The following IL17RE variants were observed in gnomAD, a reference collection of about 807,000 sequenced individuals.
The protein encoded by IL17RE is interleukin-17 receptor E.
A neutral mutation model predicts 70.7 loss-of-function variants in IL17RE; 47 were observed. The observed-to-expected ratio is 0.67, with a 90% CI of 0.53 to 0.85. The LOEUF is 0.85. IL17RE is among the 40% of genes least tolerant of loss of function. IL17RE has a pLI of 0.00. For synonymous variants in IL17RE, 372 were observed against 381.2 expected (o/e 0.98, Z 0.28); for missense variants, 850 against 893.9 (o/e 0.95, Z 0.63).
At position 9,906,973 on chromosome 3, in the gene IL17RE, C is replaced by T; in HGVS notation, c.539C>T (p.Ser180Phe). Residue 180 changes from serine (S) to phenylalanine (F), a missense_variant, in exon 6 of 16, where the codon TCC (serine) becomes TTC (phenylalanine). Transcript: ENST00000383814. ...DSQRHGGPEF[S>F]FDLLPEARAI... ...TTCCTCTCCCCAGGACCCGAGTTCT[C>T]CTTTGATTTGCTGCCTGAGGCCCGG... 6.2e-7 allele frequency: 1 copy of T among 1,614,170 alleles called. No homozygotes were observed. The highest frequency in any genetic ancestry group is 8.5e-7 in the Non-Finnish European group (1 of 1,180,032).
intron 12 of IL17RE, 119 bp downstream of exon 12, chr3:9,911,716 T>A: frequency 1.0e-6 from 1 of 979,448 alleles, no homozygotes; most frequent in Non-Finnish European, 1.5e-6. Context: ...TTTTACCATC[T>A]GGTTTACTTT....
At position 9,915,149 on chromosome 3, in the gene IL17RE, G is replaced by A. The variant is rs1314857979; in HGVS notation, c.1448-102G>A. ...AGAGCAAATAAGGGGCGGGGGCGGG[G>A]GCGGAGAGGCGAGCACCCTACGGTA... On this transcript the variant is annotated intron_variant, in intron 15 of 15. Transcript: ENST00000383814. This position sits in a 1 kb window ranked among gnomAD's most constrained non-coding sequence, Gnocchi z 4.9. The A allele has an allele frequency of 8.3e-6, 11 of 1,331,120 alleles. No homozygotes were observed. Among genetic ancestry groups the A allele is most frequent in the Non-Finnish European group, 1.1e-5 (11 of 1,040,446 alleles). 82.5% of individuals were successfully genotyped at this position (1,331,120 alleles called of 1,614,324 possible). A position where few individuals can be genotyped will look rare whatever the true frequency, so the allele number is the denominator to read the frequency against.
chr3:9,909,017 A>C (rs1487920172), intron 7 of IL17RE, among the ~76,000 whole-genome samples, 200 bp from the exon 8 acceptor site: 4 of 151,946 alleles, frequency 2.6e-5, no homozygotes, highest in Admixed American at 6.6e-5. Context: ...TTAGCCCCTC[A>C]CTTGCTTATC....
intron 1 of IL17RE, 73 bp from the exon 2 acceptor site, chr3:9,903,324 G>A (rs890884892): frequency 1.4e-5 from 21 of 1,541,526 alleles, no homozygotes; most frequent in Admixed American, 6.7e-5. Flanking sequence ...AAGACCCCAG[G>A]AATGTGCCTT....
At chr3:9,908,397 G>A (rs2082810533) in intron 7 of IL17RE, 90 bp downstream of exon 7, 2 of 1,155,088 alleles carry the variant, frequency 1.7e-6, no homozygotes, top group Non-Finnish European at 2.6e-6. Context: ...CCAGTAAATT[G>A]GGTTTAAAAA....
chr3:9,915,604 G>T lies in IL17RE; in HGVS notation c.1801G>T (p.Gly601Cys). The T allele has an allele frequency of 7.0e-7, 1 of 1,422,206 alleles. No individual in the cohort carries two copies. The highest frequency in any genetic ancestry group is 9.2e-7 in the Non-Finnish European group (1 of 1,090,808). 88.1% of individuals were successfully genotyped at this position (1,422,206 alleles called of 1,614,324 possible). ...LAYFSRLCAK[G>C]DIPPPLRALP... ...TTACTTCAGTCGCCTCTGCGCCAAGGGCGACATCCCCCCGCCGCTGCGCGC... is the reference window on the plus strand; with the variant it reads ...TTACTTCAGTCGCCTCTGCGCCAAGTGCGACATCCCCCCGCCGCTGCGCGC... Residue 601 changes from glycine to cysteine, a missense_variant, in exon 16 of 16, where the codon GGC (glycine) becomes TGC (cysteine). Gly to Cys is a radical substitution (Grantham distance 159, BLOSUM62 -3). Transcript: ENST00000383814. This position sits in a 1 kb window ranked among gnomAD's most constrained non-coding sequence, Gnocchi z 4.9.
chr3:9,904,967 C>T (rs1443047069), intron 3 of IL17RE, among the ~76,000 whole-genome samples: 2 of 150,740 alleles, frequency 1.3e-5, no homozygotes, highest in Admixed American at 6.6e-5. Flanking sequence ...TGGTAGTGCA[C>T]ACCTGAAGTC....
At position 9,903,414 on chromosome 3, in the gene IL17RE, T is replaced by C. The variant is rs2082682105; in HGVS notation, c.148+2T>C. On this transcript the variant is annotated splice_donor_variant, in intron 2 of 15. Transcript: ENST00000383814. LOFTEE classifies it high-confidence loss of function. ...TGCCTCAGGATGACAGTTTCACTGG[T>C]GAGTCGCATTTCCTGCCCCATTGCT... 1 of 1,614,034 alleles carries C rather than the reference T, an allele frequency of 6.2e-7. No individual in the cohort carries two copies.
chr3:9,912,859 ACT>A (rs1438696675), intron 12 of IL17RE, among the ~76,000 whole-genome samples: 2 of 152,000 alleles, frequency 1.3e-5, no homozygotes, highest in Non-Finnish European at 2.9e-5. Context: ...ACAGCATAAG[ACT>A]CTGACTCTAA....
At position 9,910,501 on chromosome 3, in the gene IL17RE, C is replaced by A. The variant is rs555191749; in HGVS notation, c.803-364C>A. 2.2e-5 allele frequency: 5 copies of A among 231,886 alleles called. No individual in the cohort carries two copies. The South Asian group carries it at 3.0e-4, about 14-fold the overall frequency. The allele number at this position is 231,886 out of a possible 1,614,324, so 14.4% of individuals were successfully genotyped here. A position where few individuals can be genotyped will look rare whatever the true frequency, so the allele number is the denominator to read the frequency against. ...GAGTCCACGAGGTCAGGAGACCAGC[C>A]TGGCCAATATGGTGAAAACCCATCT... is the stretch of plus-strand genomic sequence containing the variant. On this transcript the variant is annotated intron_variant, in intron 8 of 15. Coordinates refer to ENST00000383814, the MANE Select transcript of IL17RE (RefSeq NM_153480.2).
chr3:9,904,000 C>A, intron 2 of IL17RE, 32 bp from the exon 3 acceptor site: 1 of 1,613,472 alleles, frequency 6.2e-7, no homozygotes, highest in Non-Finnish European at 8.5e-7. Flanking sequence ...TTCTTAGACC[C>A]TATCATTTGC....
chr3:9,907,186 G>A, intron 6 of IL17RE, 86 bp downstream of exon 6: 1 of 1,530,082 alleles, frequency 6.5e-7, no homozygotes, highest in Non-Finnish European at 9.0e-7. Context: ...GGAAACTGAG[G>A]CCCAGAGAGG....
intron 2 of IL17RE, 31 bp from the exon 3 acceptor site, chr3:9,904,001 T>C (rs757349691): frequency 4.3e-6 from 7 of 1,613,610 alleles, no homozygotes; most frequent in Non-Finnish European, 5.9e-6. Flanking sequence ...TCTTAGACCC[T>C]ATCATTTGCT....
chr3:9,911,474 T>C lies in IL17RE; in HGVS notation c.1104T>C (p.Asp368=), dbSNP rs2082891410. 1 of 1,614,168 alleles carries C rather than the reference T, an allele frequency of 6.2e-7. No homozygotes were observed. Among genetic ancestry groups the C allele is most frequent in the Non-Finnish European group, 8.5e-7 (1 of 1,180,044 alleles). The change falls in exon 12 of 16, where the codon GAT becomes GAC. Residue 368 remains aspartate, a synonymous_variant. Transcript: ENST00000383814. ...GSLTSWNVSM[D]TQAQQLILHF... ...TCACATCCTGGAATGTAAGCATGGA[T>C]ACCCAAGCCCAGCAGCTGATTCTTC...
rs146099095 is a variant in IL17RE, at chr3:9,906,373, G to A, written c.278G>A (p.Arg93Gln). The change falls in exon 4 of 16, where the codon CGG becomes CAG. Residue 93 changes from arginine (R) to glutamine (Q), a missense_variant. Arg to Gln is a conservative substitution (Grantham distance 43). Coordinates refer to ENST00000383814, the MANE Select transcript of IL17RE (RefSeq NM_153480.2). ...HLLSGGSGLQRGLFHLLVQKS... is the reference protein window; with the variant it reads ...HLLSGGSGLQQGLFHLLVQKS... ...CGTCTCCCCTGCACAGGTCTTCAAC[G>A]GGGCCTCTTCCACCTCCTGGTGCAG... is the stretch of plus-strand genomic sequence containing the variant. The A allele has an allele frequency of 8.7e-6, 14 of 1,612,936 alleles. No individual in the cohort carries two copies. Among genetic ancestry groups the A allele is most frequent in the Admixed American group, 1.7e-5 (1 of 60,000 alleles).
chr3:9,914,331 CTTTGAGTTTACTT>C, intron 13 of IL17RE: 1 of 1,321,292 alleles, frequency 7.6e-7, no homozygotes, highest in Non-Finnish European at 1.0e-6. Flanking sequence ...CCCTGGTCAA[CTTTGAGTTTACTT>C]TTTGAGTTTG....
At chr3:9,908,863 G>A (rs2082821118) in intron 7 of IL17RE, among the ~76,000 whole-genome samples, 1 of 152,188 alleles carries the variant, frequency 6.6e-6, no homozygotes, top group South Asian at 2.1e-4. Flanking sequence ...TGGGCATGTG[G>A]GCATTCCAGA....
chr3:9,910,980 G>T lies in IL17RE; in HGVS notation c.918G>T (p.Arg306Ser). ...AGCTGGAAGCTGCCCTCTGCCAGAG[G>T]CACGACTGGCATACCCTTTGCAAAG... ...PLKLEAALCQRHDWHTLCKDL... is the reference protein window; with the variant it reads ...PLKLEAALCQSHDWHTLCKDL... Residue 306 changes from arginine (R) to serine (S), a missense_variant, in exon 9 of 16, where the codon AGG (arginine) becomes AGT (serine). Coordinates refer to ENST00000383814, the MANE Select transcript of IL17RE (RefSeq NM_153480.2). 1 of 1,614,144 alleles carries T rather than the reference G, an allele frequency of 6.2e-7. No individual in the cohort carries two copies. Among genetic ancestry groups the T allele is most frequent in the Middle Eastern group, 1.6e-4 (1 of 6,062 alleles).
At position 9,915,916 on chromosome 3, in the gene IL17RE, G is replaced by T. The variant is rs968591903; in HGVS notation, c.*109G>T. ...GAAATCCTTGGGGTGCCTCGAGGACGACTGGCCGAAAAGCCGCATTCCCTG... is the reference window on the plus strand; with the variant it reads ...GAAATCCTTGGGGTGCCTCGAGGACTACTGGCCGAAAAGCCGCATTCCCTG... On this transcript the variant is annotated 3_prime_UTR_variant, in exon 16 of 16. Coordinates refer to ENST00000383814, the MANE Select transcript of IL17RE (RefSeq NM_153480.2). The surrounding 1 kb of genome is among the most constrained non-coding windows in gnomAD (Gnocchi z 4.9). 2 of 1,340,492 alleles carry T rather than the reference G, an allele frequency of 1.5e-6. No individual in the cohort carries two copies. Among genetic ancestry groups the T allele is most frequent in the African/African-American group, 1.5e-5 (1 of 65,748 alleles). 83.0% of individuals were successfully genotyped at this position (1,340,492 alleles called of 1,614,324 possible).
Sources: gnomAD v4.1 joint callset for allele counts (sites outside exome capture counted in the v4.1 genomes callset) on GRCh38, gnomAD v4.1.1 for gene constraint, Gnocchi (gnomAD v3.1) non-coding constraint, MANE v1.5 for transcripts, NCBI Gene and HGNC (gene_info 2026-07-23, HGNC 2026-07-21) for gene names.